The following CNTNAP2 variants were observed in gnomAD, a reference collection of about 807,000 sequenced individuals.
CNTNAP2 encodes the protein contactin associated protein 2, also known as contactin-associated protein-like 2.
CNTNAP2 carries 98 observed loss-of-function variants against 155.2 expected under a neutral mutation model. The ratio of observed to expected loss-of-function variants is 0.63; its 90% CI spans 0.54 to 0.75. The LOEUF (loss-of-function observed/expected upper bound fraction) is 0.75, where lower values mean the gene tolerates loss of function less well. CNTNAP2 is among the 30% of genes least tolerant of loss of function. The pLI is 0.00. For missense variants in CNTNAP2, 1,727 were observed against 1,688.1 expected (o/e 1.02, Z -0.40); for synonymous variants, 651 against 631.2 (o/e 1.03, Z -0.47).
At chr7:146,390,659 A>AAT (rs1052202270) in intron 1 of CNTNAP2, among the ~76,000 whole-genome samples, 9 of 149,160 alleles carry the variant, frequency 6.0e-5, no homozygotes, top group Middle Eastern at 7.1e-3. Flanking sequence ...TCATGAAATA[A>AAT]ATATATATAT....
intron 13 of CNTNAP2, among the ~76,000 whole-genome samples, chr7:147,851,073 C>G (rs1361664677): frequency 6.6e-6 from 1 of 152,146 alleles, no homozygotes; most frequent in African/African-American, 2.4e-5. Flanking sequence ...AACAAATTTA[C>G]AAGAAAAAAC....
intron 15 of CNTNAP2, among the ~76,000 whole-genome samples, chr7:148,024,079 T>C (rs1802332141): frequency 6.7e-6 from 1 of 148,740 alleles, no homozygotes; most frequent in Non-Finnish European, 1.5e-5. Context: ...GCTATATCCT[T>C]GGGAGTACAA....
chr7:148,401,628 T>C (rs938987644), intron 22 of CNTNAP2, among the ~76,000 whole-genome samples: 5 of 151,964 alleles, frequency 3.3e-5, no homozygotes, highest in Admixed American at 2.6e-4. Flanking sequence ...AGATGGAGTC[T>C]TGCTCTTTTG....
At chr7:146,502,412 G>T (rs1192434797) in intron 1 of CNTNAP2, among the ~76,000 whole-genome samples, 1 of 151,722 alleles carries the variant, frequency 6.6e-6, no homozygotes, top group Non-Finnish European at 1.5e-5. Context: ...CCATTAGTGA[G>T]ATTTCTGGAT....
chr7:148,246,308 C>T (rs1796261719), intron 20 of CNTNAP2, among the ~76,000 whole-genome samples: 1 of 152,148 alleles, frequency 6.6e-6, no homozygotes, highest in Admixed American at 6.5e-5. Context: ...AACTATATTA[C>T]AGTTAAAATC....
chr7:146,530,423 A>AG (rs1797753631), intron 1 of CNTNAP2, among the ~76,000 whole-genome samples: 1 of 152,182 alleles, frequency 6.6e-6, no homozygotes, highest in Non-Finnish European at 1.5e-5. Context: ...GGGAAAAAAA[A>AG]AGAGCAAAGT....
chr7:147,398,265 C>T (rs559461381), intron 10 of CNTNAP2, among the ~76,000 whole-genome samples: 1 of 152,144 alleles, frequency 6.6e-6, no homozygotes, highest in East Asian at 1.9e-4. Context: ...TCTTTCTCCT[C>T]GCTGAGACTT....
intron 2 of CNTNAP2, among the ~76,000 whole-genome samples, chr7:146,795,447 G>T (rs1296254313): frequency 6.6e-6 from 1 of 152,198 alleles, no homozygotes; most frequent in Admixed American, 6.5e-5. Flanking sequence ...GACAATGAAA[G>T]TGTTCCTGGG....
Position 148,401,400 on chromosome 7 carries a change from G to A in CNTNAP2, c.3716-7991G>A, listed in dbSNP as rs187807716. ...AGCTGTCACAATCAATACTTTACAA[G>A]TGCCCACAATATTTTACAATAACTT... On this transcript the variant is annotated intron_variant, in intron 22 of 23. Transcript: ENST00000361727. Among the ~76,000 whole-genome samples, 214 of 152,200 alleles carry A rather than the reference G, an allele frequency of 1.4e-3. 2 individuals carry two copies. Among genetic ancestry groups the A allele is most frequent in the African/African-American group, 4.9e-3 (204 of 41,520 alleles).
At chr7:146,641,218 T>C (rs1199546053) in intron 1 of CNTNAP2, among the ~76,000 whole-genome samples, 1 of 152,094 alleles carries the variant, frequency 6.6e-6, no homozygotes, top group Non-Finnish European at 1.5e-5. Context: ...TCCCAGCTAC[T>C]TGGGAGGCTG....
intron 15 of CNTNAP2, among the ~76,000 whole-genome samples, chr7:147,998,772 A>C (rs956406506): frequency 6.6e-6 from 1 of 152,232 alleles, no homozygotes; most frequent in African/African-American, 2.4e-5. Flanking sequence ...AGTTGGAACC[A>C]GAAAAACCGA....
chr7:147,198,436 T>C (rs910625337), intron 8 of CNTNAP2, among the ~76,000 whole-genome samples: 5 of 152,190 alleles, frequency 3.3e-5, no homozygotes, highest in African/African-American at 1.2e-4. Context: ...TTCACCGTTT[T>C]GGTCAGGCTG....
chr7:146,756,927 G>C (rs941458918), intron 1 of CNTNAP2, among the ~76,000 whole-genome samples: 4 of 151,976 alleles, frequency 2.6e-5, no homozygotes, highest in African/African-American at 9.7e-5. Flanking sequence ...CAGGTCACAG[G>C]GCACTGCCTC....
At chr7:147,469,543 A>G (rs1798178963) in intron 10 of CNTNAP2, among the ~76,000 whole-genome samples, 1 of 46,124 alleles carries the variant, frequency 2.2e-5, no homozygotes, top group Non-Finnish European at 4.2e-5. Context: ...CTGTGAGACA[A>G]AGTCTCGCTC....
chr7:146,485,076 T>C (rs1324542633), intron 1 of CNTNAP2, among the ~76,000 whole-genome samples: 3 of 152,160 alleles, frequency 2.0e-5, no homozygotes, highest in Non-Finnish European at 4.4e-5. Context: ...ACCTTACAAA[T>C]GGTAGTAATT....
intron 8 of CNTNAP2, among the ~76,000 whole-genome samples, chr7:147,297,426 T>G (rs1412476766): frequency 1.3e-5 from 2 of 152,186 alleles, no homozygotes; most frequent in African/African-American, 4.8e-5. Flanking sequence ...ATAATAAATT[T>G]AGTAATGAGA....
intron 1 of CNTNAP2, among the ~76,000 whole-genome samples, chr7:146,615,818 G>C (rs558901850): frequency 6.6e-6 from 1 of 152,266 alleles, no homozygotes; most frequent in East Asian, 1.9e-4. Flanking sequence ...GTGGTGTTGG[G>C]TTCCAAAGAT....
chr7:146,519,696 A>C (rs1797590348), intron 1 of CNTNAP2, among the ~76,000 whole-genome samples: 1 of 151,922 alleles, frequency 6.6e-6, no homozygotes, highest in Admixed American at 6.6e-5. Context: ...CAAGGAATCA[A>C]AGCCAAGAAG....
intron 14 of CNTNAP2, among the ~76,000 whole-genome samples, chr7:147,974,966 A>G (rs1201948405): frequency 6.6e-6 from 1 of 151,316 alleles, no homozygotes; most frequent in Non-Finnish European, 1.5e-5. Context: ...ATATAATACA[A>G]TCTTTTGTAT....
Sources: gnomAD v4.1 joint callset for allele counts (sites outside exome capture counted in the v4.1 genomes callset) on GRCh38, gnomAD v4.1.1 for gene constraint, MANE v1.5 for transcripts, NCBI Gene and HGNC (gene_info 2026-07-23, HGNC 2026-07-21) for gene names.